DYNLT2: variants seen among roughly 807,000 people sequenced by gnomAD.
The protein encoded by DYNLT2 is dynein light chain Tctex-type 2.
Under a neutral mutation model 24.3 loss-of-function variants are expected in DYNLT2, and 24 were observed. The observed-to-expected ratio is 0.99, with a 90% CI of 0.71 to 1.39. The LOEUF (loss-of-function observed/expected upper bound fraction) is 1.39, where lower values mean the gene tolerates loss of function less well. DYNLT2 is among the 40% of genes most tolerant of loss of function. The pLI is 0.00. For missense variants in DYNLT2, 246 were observed against 234.5 expected (o/e 1.05, Z -0.32); for synonymous variants, 85 against 85.4 (o/e 1.00, Z 0.03).
downstream of DYNLT2, among the ~76,000 whole-genome samples, chr6:169,737,937 A>G (rs1789595921): frequency 6.6e-6 from 1 of 152,164 alleles, no homozygotes; most frequent in African/African-American, 2.4e-5. Context: ...GTCCACAGAG[A>G]CTGCAGCCAC....
In DYNLT2 at chr6:169,744,269, T is replaced by G; in HGVS notation, c.126A>C (p.Thr42=). 1 of 1,612,858 alleles carries G rather than the reference T, an allele frequency of 6.2e-7. No homozygotes were observed. The highest frequency in any genetic ancestry group is 8.5e-7 in the Non-Finnish European group (1 of 1,179,474). Residue 42 remains threonine, a synonymous_variant, in exon 2 of 4, where the codon ACA becomes ACC. Transcript: ENST00000366774. ...RPSMFEKEAY[T]QILRERLRES... ...CTCTCAGTCTTTCTCTTAAAATCTG[T>G]GTATACTGGAGGAGAAAGAGAGAGG...
chr6:169,725,409 T>C, the DYNLT2 span: 1 of 397,942 alleles, frequency 2.5e-6, no homozygotes, highest in Non-Finnish European at 4.4e-6. Context: ...CAGTCCAGCC[T>C]GACTCACTTG....
the DYNLT2 span, among the ~76,000 whole-genome samples, chr6:169,727,572 G>GT: frequency 0.17 from 25,812 of 150,488 alleles, 2,652 homozygotes; most frequent in East Asian, 0.3. Flanking sequence ...TTGTTTTTTT[G>GT]TTTTTTTTTG....
the DYNLT2 span, chr6:169,725,483 G>A: frequency 2.5e-6 from 1 of 396,920 alleles, no homozygotes; most frequent in Non-Finnish European, 4.4e-6. Context: ...ATCCAGCTTG[G>A]TTCTCTCAGC....
the DYNLT2 span, among the ~76,000 whole-genome samples, chr6:169,726,577 T>C: frequency 6.6e-6 from 1 of 152,216 alleles, no homozygotes; most frequent in Admixed American, 6.5e-5. Context: ...GGAGGTACTA[T>C]GATGTAATGG....
intron 3 of DYNLT2, 121 bp downstream of exon 3, chr6:169,742,955 TTTCC>T: frequency 1.3e-6 from 1 of 760,318 alleles, no homozygotes; most frequent in South Asian, 4.1e-5. Flanking sequence ...AACATGATAC[TTTCC>T]TTCAAAAAGT....
At chr6:169,739,954 C>T (rs1195926388), downstream of DYNLT2, among the ~76,000 whole-genome samples, 1 of 152,126 alleles carries the variant, frequency 6.6e-6, no homozygotes, top group Non-Finnish European at 1.5e-5. Flanking sequence ...CACAGACACA[C>T]ATGCATACAC....
the DYNLT2 span, among the ~76,000 whole-genome samples, chr6:169,727,349 A>G: frequency 6.6e-6 from 1 of 152,180 alleles, no homozygotes; most frequent in South Asian, 2.1e-4. Flanking sequence ...ACATGTTGGT[A>G]TACTGAAAAG....
intron 1 of DYNLT2, chr6:169,750,366 T>A (rs1326837322): frequency 1.3e-5 from 2 of 152,266 alleles, no homozygotes; most frequent in African/African-American, 4.8e-5. Flanking sequence ...CTCTTTTTCT[T>A]AGCTGTGTAA....
the DYNLT2 span, among the ~76,000 whole-genome samples, chr6:169,730,621 G>A: frequency 2.0e-5 from 3 of 152,140 alleles, no homozygotes; most frequent in African/African-American, 4.8e-5. Flanking sequence ...CCGGCCGGGC[G>A]CGGTGGCTCA....
the DYNLT2 span, among the ~76,000 whole-genome samples, chr6:169,730,090 T>G: frequency 6.6e-6 from 1 of 152,246 alleles, no homozygotes; most frequent in Non-Finnish European, 1.5e-5. Flanking sequence ...GTGAACCACC[T>G]TGTTGGGGAA....
the DYNLT2 span, chr6:169,725,436 T>G: frequency 2.5e-6 from 1 of 397,512 alleles, no homozygotes; most frequent in Non-Finnish European, 4.4e-6. Context: ...GTCAGAGAGG[T>G]CACCACTGAC....
intron 1 of DYNLT2, among the ~76,000 whole-genome samples, chr6:169,748,538 A>G (rs1789864074): frequency 6.6e-6 from 1 of 152,196 alleles, no homozygotes; most frequent in Non-Finnish European, 1.5e-5. Context: ...TCCCTCACAT[A>G]AATAAATCTC....
chr6:169,748,093 A>G (rs1029899465), intron 1 of DYNLT2, among the ~76,000 whole-genome samples: 1 of 152,150 alleles, frequency 6.6e-6, no homozygotes, highest in Non-Finnish European at 1.5e-5. Context: ...GAACATGTCC[A>G]AGGATTTTTT....
intron 3 of DYNLT2, among the ~76,000 whole-genome samples, chr6:169,741,076 G>A (rs1422308385): frequency 1.3e-5 from 2 of 151,938 alleles, no homozygotes; most frequent in Non-Finnish European, 2.9e-5. Context: ...CAAAGTGCTG[G>A]GATTACAGAC....
At chr6:169,748,686 T>G (rs1314430572) in intron 1 of DYNLT2, among the ~76,000 whole-genome samples, 1 of 152,192 alleles carries the variant, frequency 6.6e-6, no homozygotes, top group African/African-American at 2.4e-5. Flanking sequence ...GATTGGGACC[T>G]TCCTTTCCTC....
chr6:169,730,208 TTGGATGGCTCATCTATG>T, the DYNLT2 span, among the ~76,000 whole-genome samples: 1 of 152,078 alleles, frequency 6.6e-6, no homozygotes, highest in East Asian at 1.9e-4. Context: ...CTGCCTTGTT[TTGGATGGCTCATCTATG>T]TGGATGTTGA....
chr6:169,729,488 A>G, the DYNLT2 span, among the ~76,000 whole-genome samples: 1 of 152,220 alleles, frequency 6.6e-6, no homozygotes, highest in South Asian at 2.1e-4. Flanking sequence ...CAAGGAAGCT[A>G]TACAACTACA....
At chr6:169,750,016 A>G (rs1189897519) in intron 1 of DYNLT2, 1 of 152,204 alleles carries the variant, frequency 6.6e-6, no homozygotes, top group Non-Finnish European at 1.5e-5. Flanking sequence ...TCTCACCTCT[A>G]AAAGAATCAA....
Sources: allele counts gnomAD v4.1 joint callset (sites outside exome capture counted in the v4.1 genomes callset), GRCh38; gene constraint gnomAD v4.1.1; transcripts MANE v1.5; gene names NCBI Gene and HGNC (gene_info 2026-07-23, HGNC 2026-07-21).